The following GRM8 variants were observed in gnomAD, a reference collection of about 807,000 sequenced individuals.
GRM8 encodes the protein metabotropic glutamate receptor 8.
Under a neutral mutation model 87.2 loss-of-function variants are expected in GRM8, and 47 were observed. That is an observed-to-expected ratio of 0.54 (90% CI 0.43 to 0.69). GRM8 has a LOEUF of 0.69. Among genes scored for constraint, GRM8 ranks in the 30% least tolerant of loss-of-function variants. The probability of loss-of-function intolerance (pLI) is 0.00; values close to 1 mark genes in which losing one functional copy is unlikely to be tolerated. For synonymous variants in GRM8, 396 were observed against 404.5 expected (o/e 0.98, Z 0.25); for missense variants, 1,019 against 1,139.2 (o/e 0.89, Z 1.52).
At chr7:126,508,038 C>A (rs2150729926) in intron 9 of GRM8, among the ~76,000 whole-genome samples, 1 of 152,088 alleles carries the variant, frequency 6.6e-6, no homozygotes, top group East Asian at 1.9e-4. Context: ...TATAGAACGT[C>A]AACAAGTGAA....
chr7:126,997,421 G>T (rs1813287977), intron 3 of GRM8, among the ~76,000 whole-genome samples: 1 of 146,626 alleles, frequency 6.8e-6, no homozygotes, highest in Admixed American at 6.8e-5. Flanking sequence ...ATTATTAGAA[G>T]AAAAAAATAA....
At chr7:127,250,070 A>G (rs1798783187) in intron 1 of GRM8, among the ~76,000 whole-genome samples, 1 of 152,228 alleles carries the variant, frequency 6.6e-6, no homozygotes, top group Admixed American at 6.5e-5. Context: ...AAGGAAAAAA[A>G]CATGTGTGTA....
rs955482426 is a variant in GRM8, at chr7:126,438,849, A to G, written c.*270T>C. 9.0e-5 allele frequency: 31 copies of G among 343,146 alleles called. No homozygotes were observed. Among genetic ancestry groups the G allele is most frequent in the Admixed American group, 6.3e-4 (14 of 22,074 alleles). 21.3% of individuals were successfully genotyped at this position (343,146 alleles called of 1,614,324 possible). A position where few individuals can be genotyped will look rare whatever the true frequency, so the allele number is the denominator to read the frequency against. On this transcript the variant is annotated 3_prime_UTR_variant, in exon 11 of 11. Coordinates refer to ENST00000339582, the MANE Select transcript of GRM8 (RefSeq NM_000845.3). ...ACAGCATTTTTTTTCACGAGCTAAC[A>G]TTAGTTTTCCTTTTGTGATTTGTTT...
At chr7:126,554,826 C>T (rs938422072) in intron 8 of GRM8, among the ~76,000 whole-genome samples, 3 of 152,082 alleles carry the variant, frequency 2.0e-5, no homozygotes, top group Admixed American at 6.6e-5. Context: ...CACTAAATTA[C>T]ATAACTTTGT....
intron 2 of GRM8, among the ~76,000 whole-genome samples, chr7:127,111,740 T>A (rs942092935): frequency 6.6e-6 from 1 of 152,156 alleles, no homozygotes; most frequent in Non-Finnish European, 1.5e-5. Context: ...AAAACAGATC[T>A]TAAAGGCTGG....
intron 1 of GRM8, among the ~76,000 whole-genome samples, chr7:127,245,625 A>G (rs1272985374): frequency 6.6e-6 from 1 of 152,182 alleles, no homozygotes; most frequent in Non-Finnish European, 1.5e-5. Flanking sequence ...TCTCTTTGGC[A>G]TCTCATAGCT....
intron 7 of GRM8, among the ~76,000 whole-genome samples, chr7:126,611,808 G>A (rs1216092094): frequency 2.0e-5 from 3 of 152,124 alleles, no homozygotes; most frequent in Non-Finnish European, 4.4e-5. Flanking sequence ...TAATGTGTTA[G>A]CTGTTTCTAT....
chr7:127,164,285 G>A (rs1793304350), intron 2 of GRM8, among the ~76,000 whole-genome samples: 1 of 152,152 alleles, frequency 6.6e-6, no homozygotes, highest in South Asian at 2.1e-4. Flanking sequence ...GCAGAACCAT[G>A]AGCCAATTAA....
At chr7:126,966,011 A>C (rs1809813698) in intron 3 of GRM8, among the ~76,000 whole-genome samples, 1 of 152,170 alleles carries the variant, frequency 6.6e-6, no homozygotes, top group African/African-American at 2.4e-5. Context: ...AATATCATTC[A>C]AATTATATAA....
At position 126,867,746 on chromosome 7, in the gene GRM8, G is replaced by A. The variant is rs1178727965; in HGVS notation, c.1156+34796C>T. Among the ~76,000 whole-genome samples, 5 of 152,256 alleles carry A rather than the reference G, an allele frequency of 3.3e-5. No homozygotes were observed. The East Asian group carries it at 9.7e-4, about 29-fold the overall frequency. ...CAGAAATGAGAGGACAGAGGTGAAA[G>A]GAGGAGACAAGACAAGAAACCCAGG... On this transcript the variant is annotated intron_variant, in intron 6 of 10. Transcript: ENST00000339582.
intron 6 of GRM8, among the ~76,000 whole-genome samples, chr7:126,800,059 C>T (rs1822478872): frequency 6.6e-6 from 1 of 152,060 alleles, no homozygotes; most frequent in African/African-American, 2.4e-5. Context: ...TGTATACATC[C>T]TCTTTTTTCA....
At chr7:126,863,584 C>CA (rs1244086063) in intron 6 of GRM8, among the ~76,000 whole-genome samples, 1 of 152,062 alleles carries the variant, frequency 6.6e-6, no homozygotes, top group Non-Finnish European at 1.5e-5. Context: ...ATAACCACCA[C>CA]AAAAAAACCT....
intron 8 of GRM8, among the ~76,000 whole-genome samples, chr7:126,535,536 C>A (rs77311351): frequency 5.9e-5 from 9 of 152,174 alleles, no homozygotes; most frequent in African/African-American, 2.2e-4. Flanking sequence ...CAGCTCAGGG[C>A]AGTTCTGCAA....
intron 7 of GRM8, among the ~76,000 whole-genome samples, chr7:126,717,222 AAGAG>A (rs140886853): frequency 0.037 from 5,701 of 152,208 alleles, 376 homozygotes; most frequent in African/African-American, 0.13. Context: ...CTGGATAGGG[AAGAG>A]AGAGAAAGTA....
chr7:126,763,869 G>T (rs147218777), intron 7 of GRM8, among the ~76,000 whole-genome samples: 1 of 151,730 alleles, frequency 6.6e-6, no homozygotes, highest in African/African-American at 2.4e-5. Context: ...CCCATACTTA[G>T]CTCTTCTGTC....
intron 6 of GRM8, among the ~76,000 whole-genome samples, chr7:126,845,411 T>C (rs1358523422): frequency 6.6e-6 from 1 of 152,182 alleles, no homozygotes; most frequent in Non-Finnish European, 1.5e-5. Flanking sequence ...ATGCCTTAGC[T>C]CAACCTAGGC....
intron 3 of GRM8, among the ~76,000 whole-genome samples, chr7:126,967,205 C>A (rs996884766): frequency 9.2e-5 from 14 of 151,972 alleles, no homozygotes; most frequent in Admixed American, 8.5e-4. Flanking sequence ...CTTTATATAT[C>A]ATGTATCAAG....
intron 2 of GRM8, among the ~76,000 whole-genome samples, chr7:127,195,096 G>A (rs980481265): frequency 5.3e-5 from 8 of 152,044 alleles, no homozygotes; most frequent in Non-Finnish European, 1.0e-4. Context: ...TTCCCACAAT[G>A]GGTGCTTCAA....
chr7:127,205,729 C>T (rs547232768), intron 2 of GRM8, among the ~76,000 whole-genome samples: 1 of 152,280 alleles, frequency 6.6e-6, no homozygotes, highest in South Asian at 2.1e-4. Context: ...TTGGTTACCT[C>T]GGCCCTATGG....
Sources: gnomAD v4.1 joint callset for allele counts (sites outside exome capture counted in the v4.1 genomes callset) on GRCh38, gnomAD v4.1.1 for gene constraint, MANE v1.5 for transcripts, NCBI Gene and HGNC (gene_info 2026-07-23, HGNC 2026-07-21) for gene names.